The following LHFPL6 variants were observed in gnomAD, a reference collection of about 807,000 sequenced individuals.
The protein encoded by LHFPL6 is LHFPL tetraspan subfamily member 6 protein.
Under a neutral mutation model 20.6 loss-of-function variants are expected in LHFPL6, and 9 were observed. That is an observed-to-expected ratio of 0.44 (90% CI 0.26 to 0.76). LHFPL6 has a LOEUF of 0.76. LHFPL6 is among the 30% of genes least tolerant of loss of function. The pLI, the probability that LHFPL6 is intolerant of heterozygous loss-of-function variation, is 0.20. For synonymous variants in LHFPL6, 105 were observed against 98.7 expected, an observed-to-expected ratio of 1.06 and a Z score of -0.38; for missense variants, 218 against 253.5, an observed-to-expected ratio of 0.86 and a Z score of 0.95.
At chr13:39,457,442 T>TA (rs1199146386) in intron 2 of LHFPL6, among the ~76,000 whole-genome samples, 5 of 152,186 alleles carry the variant, frequency 3.3e-5, no homozygotes, top group African/African-American at 1.2e-4. Flanking sequence ...ACTACACACC[T>TA]ACTAGATTGG....
chr13:39,441,452 C>T (rs1404197391), intron 2 of LHFPL6, among the ~76,000 whole-genome samples: 1 of 151,962 alleles, frequency 6.6e-6, no homozygotes, highest in East Asian at 1.9e-4. Flanking sequence ...CTACCGCCTT[C>T]CTGATATATT....
chr13:39,476,042 G>C (rs1428212062), intron 2 of LHFPL6, among the ~76,000 whole-genome samples: 52 of 152,034 alleles, frequency 3.4e-4, no homozygotes, highest in Non-Finnish European at 1.0e-4. Context: ...TGTTATTTCA[G>C]GTGAACTAAA....
chr13:39,505,430 G>A (rs1446895035), intron 2 of LHFPL6, among the ~76,000 whole-genome samples: 1 of 151,686 alleles, frequency 6.6e-6, no homozygotes, highest in Non-Finnish European at 1.5e-5. Context: ...ACAAACTACT[G>A]AAAGAAATGA....
chr13:39,369,073 CT>C (rs557427745), intron 3 of LHFPL6, among the ~76,000 whole-genome samples: 106 of 136,144 alleles, frequency 7.8e-4, no homozygotes, highest in East Asian at 4.6e-3. Flanking sequence ...TCAGGTACGT[CT>C]TTTTTTTTTT....
intron 2 of LHFPL6, among the ~76,000 whole-genome samples, chr13:39,505,985 T>G (rs1869464018): frequency 6.6e-6 from 1 of 152,174 alleles, no homozygotes; most frequent in Non-Finnish European, 1.5e-5. Context: ...CATCTCTCCT[T>G]TTAACCTCTA....
intron 2 of LHFPL6, among the ~76,000 whole-genome samples, chr13:39,418,074 C>A (rs1333198012): frequency 6.6e-6 from 1 of 152,070 alleles, no homozygotes; most frequent in Non-Finnish European, 1.5e-5. Flanking sequence ...AAACAAACCC[C>A]ACATCTACTC....
At chr13:39,508,272 G>T (rs145104799) in intron 2 of LHFPL6, among the ~76,000 whole-genome samples, 1 of 152,050 alleles carries the variant, frequency 6.6e-6, no homozygotes, top group Non-Finnish European at 1.5e-5. Flanking sequence ...TGATCCACCC[G>T]CCTGGGCCTC....
chr13:39,479,128 T>TCTAA (rs1247330007), intron 2 of LHFPL6, among the ~76,000 whole-genome samples: 1 of 130,386 alleles, frequency 7.7e-6, no homozygotes, highest in East Asian at 2.0e-4. Context: ...CATCTATCTA[T>TCTAA]CTATCTATCT....
At chr13:39,358,577 A>G (rs1566092966) in intron 3 of LHFPL6, among the ~76,000 whole-genome samples, 1 of 128,106 alleles carries the variant, frequency 7.8e-6, no homozygotes, top group Non-Finnish European at 1.7e-5. Flanking sequence ...GCATAACAAG[A>G]GAAATGATCA....
chr13:39,387,988 G>A (rs1294873515), intron 2 of LHFPL6, among the ~76,000 whole-genome samples: 2 of 152,094 alleles, frequency 1.3e-5, no homozygotes, highest in African/African-American at 4.8e-5. Flanking sequence ...AGTTGTGAGC[G>A]CTGGCACACA....
intron 2 of LHFPL6, among the ~76,000 whole-genome samples, chr13:39,566,805 T>C (rs955177439): frequency 1.3e-5 from 2 of 151,458 alleles, no homozygotes; most frequent in African/African-American, 4.9e-5. Flanking sequence ...TGACCTCTAC[T>C]TGGCGGAACT....
At chr13:39,403,983 A>G (rs1235027036) in intron 2 of LHFPL6, among the ~76,000 whole-genome samples, 1 of 152,178 alleles carries the variant, frequency 6.6e-6, no homozygotes, top group African/African-American at 2.4e-5. Flanking sequence ...ATGCCTGATA[A>G]ATGCTGTTGT....
intron 2 of LHFPL6, among the ~76,000 whole-genome samples, chr13:39,537,039 C>T (rs966577022): frequency 1.3e-5 from 2 of 152,172 alleles, no homozygotes; most frequent in Non-Finnish European, 2.9e-5. Flanking sequence ...TTCCTCTGCC[C>T]CTGTCATTTT....
chr13:39,562,838 T>C (rs185348860), intron 2 of LHFPL6, among the ~76,000 whole-genome samples: 1 of 151,990 alleles, frequency 6.6e-6, no homozygotes, highest in East Asian at 1.9e-4. Flanking sequence ...AGAGCGCCAT[T>C]CAGTTTTCAA....
rs116088587 is a variant in LHFPL6 at position 39,533,493 on chromosome 13, C to A, written c.385+67339G>T. 3.2e-3 allele frequency among the ~76,000 whole-genome samples: 492 copies of A among 152,254 alleles called. 4 individuals carry two copies. The highest frequency in any genetic ancestry group is 0.011 in the African/African-American group (468 of 41,536). ...CGGGAAGTGCCCCACATCGCTTTCA[C>A]CCAAACCTCATTGACCAGAACTTGG... On this transcript the variant is annotated intron_variant, in intron 2 of 3. Coordinates refer to ENST00000379589, the MANE Select transcript of LHFPL6 (RefSeq NM_005780.3).
chr13:39,397,170 AAG>A (rs1870865823), intron 2 of LHFPL6, among the ~76,000 whole-genome samples: 1 of 152,156 alleles, frequency 6.6e-6, no homozygotes, highest in Admixed American at 6.5e-5. Flanking sequence ...TGAAAAAAAA[AAG>A]TAGATTTTCT....
intron 2 of LHFPL6, among the ~76,000 whole-genome samples, chr13:39,512,639 A>C (rs1265014698): frequency 1.3e-5 from 2 of 152,006 alleles, no homozygotes; most frequent in East Asian, 3.9e-4. Flanking sequence ...AATCAGACCA[A>C]ATTTCTCTTC....
At chr13:39,560,762 A>G (rs4941935) in intron 2 of LHFPL6, among the ~76,000 whole-genome samples, 131,057 of 152,054 alleles carry the variant, frequency 0.86, 56,596 homozygotes, top group South Asian at 0.93. Flanking sequence ...TGATCCGCCC[A>G]CCTCGGCCTC....
Position 39,430,635 on chromosome 13 carries a change from T to G in LHFPL6, c.386-52109A>C, listed in dbSNP as rs57081452. On this transcript the variant is annotated intron_variant, in intron 2 of 3. Coordinates refer to ENST00000379589, the MANE Select transcript of LHFPL6 (RefSeq NM_005780.3). Reference sequence around the variant, plus strand: ...GAACTTTTCTGTCTAGCTAAAGTTTTGCAAACGCACCAATCAGCACTCTGT... The same window carrying G: ...GAACTTTTCTGTCTAGCTAAAGTTTGGCAAACGCACCAATCAGCACTCTGT... 3.9e-5 allele frequency among the ~76,000 whole-genome samples: 6 copies of G among 152,032 alleles called. No homozygotes were observed. In the East Asian group the frequency reaches 9.7e-4, roughly 24 times the overall value.
Sources: gnomAD v4.1 joint callset for allele counts (sites outside exome capture counted in the v4.1 genomes callset) on GRCh38, gnomAD v4.1.1 for gene constraint, MANE v1.5 for transcripts, NCBI Gene and HGNC (gene_info 2026-07-23, HGNC 2026-07-21) for gene names.